TMEM63B: variants seen among roughly 807,000 people sequenced by gnomAD.
TMEM63B encodes transmembrane protein 63B.
In TMEM63B, 23 loss-of-function variants were observed where a neutral mutation model predicts 102.6. The observed-to-expected ratio is 0.22, with a 90% confidence interval of 0.16 to 0.32. The LOEUF (loss-of-function observed/expected upper bound fraction) is 0.32. TMEM63B is among the 10% of genes least tolerant of loss of function. The pLI is 1.00. For synonymous variants in TMEM63B, 444 were observed against 437.0 expected (o/e 1.02, Z -0.20); for missense variants, 628 against 1,095.9 (o/e 0.57, Z 6.03).
At chr6:44,138,365 A>AG in intron 5 of TMEM63B, 115 bp from the exon 6 acceptor site, 1 of 1,281,878 alleles carries the variant, frequency 7.8e-7, no homozygotes, top group Non-Finnish European at 1.1e-6. Context: ...TTTTTTAGTG[A>AG]GGGGTGTGGA....
At chr6:44,141,410 TC>T (rs1764241645) in intron 10 of TMEM63B, among the ~76,000 whole-genome samples, 1 of 152,136 alleles carries the variant, frequency 6.6e-6, no homozygotes, top group Non-Finnish European at 1.5e-5. Flanking sequence ...CATATCTTCT[TC>T]AAAATTAAAA....
chr6:44,141,370 A>G (rs1012491244), intron 10 of TMEM63B, among the ~76,000 whole-genome samples: 3 of 152,214 alleles, frequency 2.0e-5, no homozygotes, highest in Non-Finnish European at 4.4e-5. Flanking sequence ...AGACTGGGTC[A>G]TAGGTTGTTG....
At chr6:44,140,854 G>A (rs1764103137) in intron 9 of TMEM63B, among the ~76,000 whole-genome samples, 174 bp from the exon 10 acceptor site, 2 of 151,986 alleles carry the variant, frequency 1.3e-5, no homozygotes, top group Non-Finnish European at 2.9e-5. Flanking sequence ...CTTTCCCTGG[G>A]ACCTGGCTTA....
intron 5 of TMEM63B, among the ~76,000 whole-genome samples, chr6:44,137,472 C>A (rs74558389): frequency 6.6e-6 from 1 of 152,272 alleles, no homozygotes; most frequent in African/African-American, 2.4e-5. Context: ...GTTGTCACAT[C>A]TGCTAGCCAG....
At chr6:44,153,986 G>T in intron 21 of TMEM63B, 87 bp from the exon 22 acceptor site, 1 of 1,556,374 alleles carries the variant, frequency 6.4e-7, no homozygotes, top group South Asian at 1.2e-5. Context: ...ACCTGGGAGA[G>T]TGAGGACTGC....
At position 44,148,393 on chromosome 6, in the gene TMEM63B, C is replaced by G. The variant is rs1765865402; in HGVS notation, c.1121+8C>G. The G allele has an allele frequency of 1.2e-6, 2 of 1,614,228 alleles. No individual in the cohort carries two copies. Among genetic ancestry groups the G allele is most frequent in the East Asian group, 4.5e-5 (2 of 44,882 alleles). ...TGAGACTATCACCGCCATGTGAGTC[C>G]CCAACTCGGCCCTCGGCCCTGAGCA... On this transcript the variant is annotated splice_region_variant and intron_variant, in intron 13 of 23. Transcript: ENST00000323267. This position sits in a 1 kb window ranked among gnomAD's most constrained non-coding sequence, Gnocchi z 5.1.
intron 16 of TMEM63B, 27 bp downstream of exon 16, chr6:44,149,992 C>G (rs1194181939): frequency 1.3e-6 from 2 of 1,594,198 alleles, no homozygotes; most frequent in East Asian, 4.5e-5. Context: ...CACACCACAC[C>G]TCGCTGTGGC....
chr6:44,138,888 G>A, intron 6 of TMEM63B: 1 of 304,168 alleles, frequency 3.3e-6, no homozygotes, highest in Non-Finnish European at 6.4e-6. Context: ...CCAGAGTCCA[G>A]CAGGCAGGCA....
chr6:44,142,109 G>A (rs59404749), intron 10 of TMEM63B, among the ~76,000 whole-genome samples: 9,078 of 150,290 alleles, frequency 0.06, 359 homozygotes, highest in Admixed American at 0.12. Context: ...GACAGAGCAA[G>A]ACCCTGTTTC....
intron 1 of TMEM63B, among the ~76,000 whole-genome samples, chr6:44,129,777 C>T (rs1777926661): frequency 6.6e-6 from 1 of 151,988 alleles, no homozygotes; most frequent in African/African-American, 2.4e-5. Context: ...TATTCCATAC[C>T]TTATTAATAA....
At chr6:44,141,180 C>T (rs1199344915) in intron 10 of TMEM63B, 82 bp downstream of exon 10, 1 of 1,372,018 alleles carries the variant, frequency 7.3e-7, no homozygotes, top group African/African-American at 1.5e-5. Flanking sequence ...CATCCTTATA[C>T]CCTAGCCTGG....
At chr6:44,138,390 G>A (rs1315916278) in intron 5 of TMEM63B, 90 bp from the exon 6 acceptor site, 1 of 1,528,728 alleles carries the variant, frequency 6.5e-7, no homozygotes, top group Non-Finnish European at 9.1e-7. Context: ...ATGCCTGGAG[G>A]TAATTATGAG....
chr6:44,150,157 G>T lies in TMEM63B; in HGVS notation c.1521-67G>T. Reference sequence around the variant, plus strand: ...GGGACACTCCTTGGACATTGTCCTTGTTGGGGGAGCAAGTCTGGGGCCTGG... The same window carrying T: ...GGGACACTCCTTGGACATTGTCCTTTTTGGGGGAGCAAGTCTGGGGCCTGG... On this transcript the variant is annotated intron_variant, in intron 16 of 23. Coordinates refer to ENST00000323267, the MANE Select transcript of TMEM63B (RefSeq NM_018426.3). The surrounding 1 kb of genome is among the most constrained non-coding windows in gnomAD (Gnocchi z 4.7). 1 of 1,522,234 alleles carries T rather than the reference G, an allele frequency of 6.6e-7. No homozygotes were observed. Among genetic ancestry groups the T allele is most frequent in the Non-Finnish European group, 9.1e-7 (1 of 1,102,824 alleles). 94.3% of individuals were successfully genotyped at this position (1,522,234 alleles called of 1,614,324 possible). A position where few individuals can be genotyped will look rare whatever the true frequency, so the allele number is the denominator to read the frequency against.
chr6:44,134,456 A>G (rs1762535381), intron 1 of TMEM63B, 105 bp from the exon 2 acceptor site: 20 of 1,222,326 alleles, frequency 1.6e-5, no homozygotes, highest in Admixed American at 1.3e-4. Context: ...CCATCCACCC[A>G]GGCAGCCTGG....
In TMEM63B at chr6:44,135,384, C is replaced by T; in HGVS notation, c.278+18C>T. ...CAGGAATAGTATGTGGGGCACCAGC[C>T]CCCTCATTCCCACTAAACCAGCTTT... On this transcript the variant is annotated intron_variant, in intron 4 of 23. Transcript: ENST00000323267. 6.2e-7 allele frequency: 1 copy of T among 1,605,694 alleles called. No individual in the cohort carries two copies. The highest frequency in any genetic ancestry group is 8.5e-7 in the Non-Finnish European group (1 of 1,174,708).
chr6:44,147,052 G>C, intron 11 of TMEM63B, 125 bp downstream of exon 11: 3 of 1,077,416 alleles, frequency 2.8e-6, no homozygotes, highest in Non-Finnish European at 4.2e-6. Context: ...AATTCAACTC[G>C]TTGGTGTGCC....
Position 44,152,059 on chromosome 6 carries a change from A to C in TMEM63B, c.1836+51A>C. On this transcript the variant is annotated intron_variant, in intron 19 of 23. Coordinates refer to ENST00000323267, the MANE Select transcript of TMEM63B (RefSeq NM_018426.3). The surrounding 1 kb of genome is among the most constrained non-coding windows in gnomAD (Gnocchi z 6.4). ...CCCGCACAGCGCCCCCTGGTGGCCCAACAAGAAACAGCAGCCATCGCGCTA... is the reference window on the plus strand; with the variant it reads ...CCCGCACAGCGCCCCCTGGTGGCCCCACAAGAAACAGCAGCCATCGCGCTA... The C allele has an allele frequency of 1.3e-6, 2 of 1,532,820 alleles. No homozygotes were observed. Among genetic ancestry groups the C allele is most frequent in the African/African-American group, 2.8e-5 (2 of 71,608 alleles). The allele number at this position is 1,532,820 out of a possible 1,614,324, so 95.0% of individuals were successfully genotyped here.
At chr6:44,129,106 G>A (rs113140206) in intron 1 of TMEM63B, among the ~76,000 whole-genome samples, 1,943 of 152,238 alleles carry the variant, frequency 0.013, 51 homozygotes, top group African/African-American at 0.043. Flanking sequence ...AAGTGTTTAT[G>A]CCTATAATTC....
At chr6:44,143,047 G>T (rs531688205) in intron 10 of TMEM63B, among the ~76,000 whole-genome samples, 1 of 152,272 alleles carries the variant, frequency 6.6e-6, no homozygotes, top group African/African-American at 2.4e-5. Context: ...TTTAATCTGA[G>T]GTCCAGACCT....
Sources: gnomAD v4.1 joint callset for allele counts (sites outside exome capture counted in the v4.1 genomes callset) on GRCh38, gnomAD v4.1.1 for gene constraint, Gnocchi (gnomAD v3.1) non-coding constraint, MANE v1.5 for transcripts, NCBI Gene and HGNC (gene_info 2026-07-23, HGNC 2026-07-21) for gene names.